The following PDXK variants were observed in gnomAD, a reference collection of about 807,000 sequenced individuals.
PDXK encodes the protein pyridoxal kinase.
A neutral mutation model predicts 43.2 loss-of-function variants in PDXK; 15 were observed. That is an observed-to-expected ratio of 0.35 (90% CI 0.23 to 0.53). The LOEUF is 0.53. Ranked by LOEUF, PDXK falls within the 20% of genes least tolerant of loss-of-function variation. The pLI is 0.92. For synonymous variants in PDXK, 172 were observed against 165.4 expected (o/e 1.04, Z -0.31); for missense variants, 343 against 417.0 (o/e 0.82, Z 1.54).
At chr21:43,731,011 A>T (rs2083310600) in intron 1 of PDXK, among the ~76,000 whole-genome samples, 1 of 151,726 alleles carries the variant, frequency 6.6e-6, no homozygotes, top group Non-Finnish European at 1.5e-5. Flanking sequence ...TTTTTTTTTT[A>T]AATAGAGATG....
chr21:43,753,347 C>T (rs1208090197), intron 8 of PDXK, among the ~76,000 whole-genome samples: 2 of 152,222 alleles, frequency 1.3e-5, no homozygotes, highest in African/African-American at 4.8e-5. Context: ...AGTTTCACAG[C>T]GACCCCCGAG....
chr21:43,757,111 G>A lies in PDXK; in HGVS notation c.*1048G>A, dbSNP rs2083864461. The A allele has an allele frequency of 6.6e-6, 1 of 152,498 alleles. No individual in the cohort carries two copies. Among genetic ancestry groups the A allele is most frequent in the South Asian group, 2.1e-4 (1 of 4,846 alleles). The allele number at this position is 152,498 out of a possible 1,614,324, so 9.4% of individuals were successfully genotyped here. A position where few individuals can be genotyped will look rare whatever the true frequency, so the allele number is the denominator to read the frequency against. On this transcript the variant is annotated 3_prime_UTR_variant, in exon 11 of 11. Coordinates refer to ENST00000291565, the MANE Select transcript of PDXK (RefSeq NM_003681.5). ...AAGCTGCCAATCTTCCAAGGTGGGT[G>A]TGGGGCACGGTGGGGGCGGGCAGCT...
In PDXK at chr21:43,758,588, A is replaced by G. The variant is rs57979021; in HGVS notation, c.*2525A>G. The G allele has an allele frequency of 4.6e-5, 7 of 153,838 alleles. No individual in the cohort carries two copies. In the East Asian group the frequency reaches 5.8e-4, roughly 13 times the overall value. The allele number at this position is 153,838 out of a possible 1,614,324, so 9.5% of individuals were successfully genotyped here. On this transcript the variant is annotated 3_prime_UTR_variant, in exon 11 of 11. Transcript: ENST00000291565. ...TCGGCAGAGGCCCCTGGTGGCCTTC[A>G]GTTTCAGTTTCTCATCCAGGAAGGT...
chr21:43,743,931 C>T (rs924046280), intron 4 of PDXK, 124 bp downstream of exon 4: 27 of 696,562 alleles, frequency 3.9e-5, no homozygotes, highest in Admixed American at 2.6e-4. Flanking sequence ...CCCGCCTCTC[C>T]GGGCCAGTGA....
chr21:43,722,128 G>A (rs1367622180), intron 1 of PDXK, among the ~76,000 whole-genome samples: 1 of 152,334 alleles, frequency 6.6e-6, no homozygotes, highest in East Asian at 1.9e-4. Flanking sequence ...ACCCTGGGGT[G>A]GGGCACTTCC....
At chr21:43,743,259 C>G (rs1448242946) in intron 3 of PDXK, among the ~76,000 whole-genome samples, 1 of 103,734 alleles carries the variant, frequency 9.6e-6, no homozygotes, top group African/African-American at 3.9e-5. Context: ...CCACCTCCCT[C>G]CCCCCAGCTC....
chr21:43,733,409 C>T (rs1034141304), intron 1 of PDXK, among the ~76,000 whole-genome samples: 5 of 152,184 alleles, frequency 3.3e-5, no homozygotes, highest in African/African-American at 1.2e-4. Context: ...TGCTGGTGCA[C>T]GGGAGAGGGT....
chr21:43,746,316 A>G (rs549898490), intron 5 of PDXK, among the ~76,000 whole-genome samples, 191 bp downstream of exon 5: 1 of 152,312 alleles, frequency 6.6e-6, no homozygotes. Context: ...CGGTAGATAA[A>G]TATCGACACC....
chr21:43,744,287 T>C (rs1483035012), intron 4 of PDXK, among the ~76,000 whole-genome samples: 1 of 152,190 alleles, frequency 6.6e-6, no homozygotes, highest in Non-Finnish European at 1.5e-5. Flanking sequence ...CTTTGGGGCA[T>C]CTGCCTTGAT....
chr21:43,733,445 G>C (rs1427213429), intron 1 of PDXK: 1 of 156,802 alleles, frequency 6.4e-6, no homozygotes, highest in Non-Finnish European at 1.4e-5. Context: ...AACTAGCGGA[G>C]GCCGGGCTTG....
chr21:43,719,663 C>T, intron 1 of PDXK: 1 of 985,446 alleles, frequency 1.0e-6, no homozygotes, highest in Non-Finnish European at 1.2e-6. Context: ...GGCGCAGCCG[C>T]TCGTCCTCGC....
chr21:43,733,224 G>A (rs1481252012), intron 1 of PDXK, among the ~76,000 whole-genome samples: 2 of 149,744 alleles, frequency 1.3e-5, no homozygotes, highest in African/African-American at 4.9e-5. Flanking sequence ...AACAAATGTG[G>A]GAAGCCCCGG....
intron 7 of PDXK, among the ~76,000 whole-genome samples, chr21:43,750,920 A>T (rs2876906): frequency 9.9e-6 from 1 of 100,900 alleles, no homozygotes; most frequent in African/African-American, 3.6e-5. Context: ...GCATGTGTGC[A>T]TGTGTGTGCG....
At position 43,737,583 on chromosome 21, in the gene PDXK, G is replaced by A; in HGVS notation, c.142+3460G>A. ...TAGAGCCAGAGGGGATGGGACAGGTGCCCTGCTGCTGGGCTTGGTGGTCCC... is the reference window on the plus strand; with the variant it reads ...TAGAGCCAGAGGGGATGGGACAGGTACCCTGCTGCTGGGCTTGGTGGTCCC... On this transcript the variant is annotated intron_variant, in intron 2 of 10. Transcript: ENST00000291565. This position sits in a 1 kb window ranked among gnomAD's most constrained non-coding sequence, Gnocchi z 4.8. 1.0e-6 allele frequency: 1 copy of A among 993,052 alleles called. No individual in the cohort carries two copies. The highest frequency in any genetic ancestry group is 1.2e-6 in the Non-Finnish European group (1 of 834,680). The allele number at this position is 993,052 out of a possible 1,614,324, so 61.5% of individuals were successfully genotyped here.
At chr21:43,726,529 G>A (rs1361455722) in intron 1 of PDXK, among the ~76,000 whole-genome samples, 1 of 152,016 alleles carries the variant, frequency 6.6e-6, no homozygotes, top group Non-Finnish European at 1.5e-5. Flanking sequence ...GCCCGCCTCG[G>A]CCTTCCAAAG....
Position 43,722,329 on chromosome 21 carries a change from C to T in PDXK, c.87+2948C>T, listed in dbSNP as rs373947696. Among the ~76,000 whole-genome samples, 6 of 152,214 alleles carry T rather than the reference C, an allele frequency of 3.9e-5. No homozygotes were observed. The East Asian group carries it at 7.7e-4, about 19-fold the overall frequency. On this transcript the variant is annotated intron_variant, in intron 1 of 10. Coordinates refer to ENST00000291565, the MANE Select transcript of PDXK (RefSeq NM_003681.5). ...TGGAAAGCCTTCCTGGCTATCAGTT[C>T]AGCAGCTCACATGTTTCTGTAGGCC... is the stretch of plus-strand genomic sequence containing the variant.
intron 9 of PDXK, chr21:43,755,450 C>G: frequency 1.8e-6 from 1 of 554,968 alleles, no homozygotes; most frequent in Non-Finnish European, 3.2e-6. Flanking sequence ...GCTGTCCCTT[C>G]TGTGAGCCAT....
chr21:43,745,945 C>T lies in PDXK; in HGVS notation c.332-134C>T, dbSNP rs147186407. The T allele has an allele frequency of 4.7e-3, 3,475 of 735,436 alleles. 21 individuals are homozygous for T. Among genetic ancestry groups the T allele is most frequent in the Non-Finnish European group, 7.4e-3 (2,995 of 407,334 alleles). 45.6% of individuals were successfully genotyped at this position (735,436 alleles called of 1,614,324 possible). On this transcript the variant is annotated intron_variant, in intron 4 of 10. Transcript: ENST00000291565. ...CTGGAAGATCGAGGTTGCAGTGAAC[C>T]ATGATTGCACCACTGCACTCCAGCC...
At chr21:43,730,894 G>A (rs1326066667) in intron 1 of PDXK, among the ~76,000 whole-genome samples, 1 of 152,220 alleles carries the variant, frequency 6.6e-6, no homozygotes, top group African/African-American at 2.4e-5. Flanking sequence ...GTTCAAGGCT[G>A]TAGTGAGCTA....
Sources: gnomAD v4.1 joint callset for allele counts (sites outside exome capture counted in the v4.1 genomes callset) on GRCh38, gnomAD v4.1.1 for gene constraint, Gnocchi (gnomAD v3.1) non-coding constraint, MANE v1.5 for transcripts, NCBI Gene and HGNC (gene_info 2026-07-23, HGNC 2026-07-21) for gene names.